The following CRHR1 variants were observed in gnomAD, a reference collection of about 807,000 sequenced individuals.
CRHR1 encodes corticotropin-releasing hormone receptor 1.
CRHR1 carries 28 observed loss-of-function variants against 56.0 expected under a neutral mutation model. The observed-to-expected ratio is 0.50, with a 90% CI of 0.37 to 0.69. CRHR1 has a LOEUF of 0.69. Among genes scored for constraint, CRHR1 ranks in the 30% least tolerant of loss-of-function variants. The pLI is 0.00. For synonymous variants in CRHR1, 195 were observed against 216.5 expected (o/e 0.90, Z 0.87); for missense variants, 376 against 548.0 (o/e 0.69, Z 3.13).
chr17:45,794,640 C>T lies in CRHR1; in HGVS notation c.33+10063C>T, dbSNP rs190368845. Reference sequence around the variant, plus strand: ...ACCCAGTGGCGGGTTCTGAGCAGGCCCCTTCCCCCTCCTTGTCACACTCAT... The same window carrying T: ...ACCCAGTGGCGGGTTCTGAGCAGGCTCCTTCCCCCTCCTTGTCACACTCAT... On this transcript the variant is annotated intron_variant, in intron 1 of 12. Coordinates refer to ENST00000314537, the MANE Select transcript of CRHR1 (RefSeq NM_004382.5). Among the ~76,000 whole-genome samples, 18 of 152,344 alleles carry T rather than the reference C, an allele frequency of 1.2e-4. No homozygotes were observed. The East Asian group carries it at 3.5e-3, about 29-fold the overall frequency.
chr17:45,806,356 C>A (rs189713601), intron 1 of CRHR1, among the ~76,000 whole-genome samples: 1 of 152,358 alleles, frequency 6.6e-6, no homozygotes, highest in Non-Finnish European at 1.5e-5. Flanking sequence ...TTATCCCTTA[C>A]CTCTCTGTGC....
At chr17:45,834,501 G>A (rs1435848959) in intron 12 of CRHR1, 123 bp from the exon 13 acceptor site, 1 of 1,077,804 alleles carries the variant, frequency 9.3e-7, no homozygotes, top group South Asian at 1.7e-5. Flanking sequence ...CCCTACTGAG[G>A]ACTTCCATGT....
intron 4 of CRHR1, among the ~76,000 whole-genome samples, chr17:45,823,674 C>T (rs1285513366): frequency 1.3e-5 from 2 of 152,228 alleles, no homozygotes; most frequent in Admixed American, 6.5e-5. Context: ...GCTTTGCCCA[C>T]TGCCAGGTAT....
chr17:45,806,889 C>G, intron 1 of CRHR1, 121 bp from the exon 2 acceptor site: 1 of 747,644 alleles, frequency 1.3e-6, no homozygotes, highest in South Asian at 1.7e-5. Flanking sequence ...GGATGTGTGA[C>G]AGGGTGGGAG....
intron 4 of CRHR1, chr17:45,826,502 G>C (rs2062164885): frequency 6.6e-6 from 1 of 152,432 alleles, no homozygotes; most frequent in South Asian, 2.1e-4. Flanking sequence ...GCTCAGGGAG[G>C]CACACTGAGA....
intron 8 of CRHR1, among the ~76,000 whole-genome samples, chr17:45,831,238 G>T (rs2062302187): frequency 6.6e-6 from 1 of 152,194 alleles, no homozygotes; most frequent in African/African-American, 2.4e-5. Flanking sequence ...ACAGATTACT[G>T]CAGTGTGCCT....
chr17:45,809,951 TTC>T, intron 2 of CRHR1, among the ~76,000 whole-genome samples: 1 of 152,302 alleles, frequency 6.6e-6, no homozygotes, highest in South Asian at 2.1e-4. Context: ...GGTTCATCAG[TTC>T]TCATCTCTGG....
chr17:45,813,809 C>T (rs1364147130), intron 2 of CRHR1, among the ~76,000 whole-genome samples: 1 of 152,258 alleles, frequency 6.6e-6, no homozygotes, highest in East Asian at 1.9e-4. Context: ...CCCATGGTGG[C>T]ATAGTAGGTG....
Position 45,835,650 on chromosome 17 carries a change from G to A in CRHR1, c.*886G>A, listed in dbSNP as rs941859109. On this transcript the variant is annotated 3_prime_UTR_variant, in exon 13 of 13. Coordinates refer to ENST00000314537, the MANE Select transcript of CRHR1 (RefSeq NM_004382.5). ...CCAGGAGAAGACCCCTGCCCAAGTG[G>A]CTCTTGGGACAACGTGCTGCTTACA... is the stretch of plus-strand genomic sequence containing the variant. 1 of 152,316 alleles carries A rather than the reference G, an allele frequency of 6.6e-6. No individual in the cohort carries two copies. Among genetic ancestry groups the A allele is most frequent in the Non-Finnish European group, 1.5e-5 (1 of 68,162 alleles). The allele number at this position is 152,316 out of a possible 1,614,324, so 9.4% of individuals were successfully genotyped here.
At chr17:45,804,687 A>G (rs2061688195) in intron 1 of CRHR1, among the ~76,000 whole-genome samples, 1 of 151,900 alleles carries the variant, frequency 6.6e-6, no homozygotes, top group South Asian at 2.1e-4. Context: ...GAGGATGGAC[A>G]CCCCTGAAGG....
In CRHR1 at chr17:45,821,210, T is replaced by G; in HGVS notation, c.242-145T>G. 8 of 725,922 alleles carry G rather than the reference T, an allele frequency of 1.1e-5. No homozygotes were observed. In the South Asian group the frequency reaches 1.3e-4, roughly 11 times the overall value. 45.0% of individuals were successfully genotyped at this position (725,922 alleles called of 1,614,324 possible). ...AAGATGGGGGTGGTAAGGAAGCCCC[T>G]CTCCCCAGCTTCACTACACAACCCC... On this transcript the variant is annotated intron_variant, in intron 3 of 12. Transcript: ENST00000314537.
intron 4 of CRHR1, 64 bp downstream of exon 4, chr17:45,821,504 G>T: frequency 1.4e-6 from 2 of 1,461,942 alleles, no homozygotes; most frequent in Non-Finnish European, 1.9e-6. Context: ...GCAGAGTTTT[G>T]TGCCTGCTAC....
In CRHR1 at chr17:45,820,895, C is replaced by T. The variant is rs182743404; in HGVS notation, c.242-460C>T. Among the ~76,000 whole-genome samples the T allele has an allele frequency of 1.6e-4, 24 of 152,342 alleles. No homozygotes were observed. The East Asian group carries it at 1.9e-3, about 12-fold the overall frequency. On this transcript the variant is annotated intron_variant, in intron 3 of 12. Transcript: ENST00000314537. Reference sequence around the variant, plus strand: ...AAGCCCTGTCATGCCACCTGCCACGCGAGCTGTCACCGCATACCCTTCCAC... The same window carrying T: ...AAGCCCTGTCATGCCACCTGCCACGTGAGCTGTCACCGCATACCCTTCCAC...
chr17:45,815,424 G>GCT (rs1055875375), intron 2 of CRHR1, among the ~76,000 whole-genome samples: 3 of 151,940 alleles, frequency 2.0e-5, no homozygotes, highest in East Asian at 1.9e-4. Flanking sequence ...TCTCTCGCGT[G>GCT]CTCTCTCTCT....
chr17:45,833,544 G>A lies in CRHR1; in HGVS notation c.929+7G>A, dbSNP rs993703511. 2.7e-5 allele frequency: 44 copies of A among 1,613,348 alleles called. No homozygotes were observed. Among genetic ancestry groups the A allele is most frequent in the East Asian group, 4.5e-5 (2 of 44,850 alleles). On this transcript the variant is annotated splice_region_variant and intron_variant, in intron 10 of 12. Transcript: ENST00000314537. ...CTGAGACCATTCAGTACAGGTAACC[G>A]GGTACCACCTTCCTCAGGCCTCCCC... is the stretch of plus-strand genomic sequence containing the variant.
intron 2 of CRHR1, among the ~76,000 whole-genome samples, chr17:45,809,628 T>C (rs967566067): frequency 6.6e-6 from 1 of 152,250 alleles, no homozygotes; most frequent in Admixed American, 6.5e-5. Flanking sequence ...ATTTGTCTTC[T>C]GACTCGTAGA....
chr17:45,834,539 C>T, intron 12 of CRHR1, 85 bp from the exon 13 acceptor site: 1 of 1,500,194 alleles, frequency 6.7e-7, no homozygotes, highest in Non-Finnish European at 8.9e-7. Context: ...AGCCGCTTAC[C>T]TGCACAGCTG....
At chr17:45,821,568 C>A in intron 4 of CRHR1, 128 bp downstream of exon 4, 1 of 888,204 alleles carries the variant, frequency 1.1e-6, no homozygotes, top group Non-Finnish European at 1.8e-6. Flanking sequence ...GTGAAGCTGA[C>A]TGGGGAGCTG....
intron 4 of CRHR1, among the ~76,000 whole-genome samples, chr17:45,823,403 C>CTTT (rs71138512): frequency 8.4e-4 from 84 of 100,594 alleles, no homozygotes; most frequent in African/African-American, 1.9e-3. Flanking sequence ...GGGACATTCC[C>CTTT]TTTTTTTTTT....
Sources: allele counts gnomAD v4.1 joint callset (sites outside exome capture counted in the v4.1 genomes callset), GRCh38; gene constraint gnomAD v4.1.1; transcripts MANE v1.5; gene names NCBI Gene and HGNC (gene_info 2026-07-23, HGNC 2026-07-21).